The following SSX2IP variants were observed in gnomAD, a reference collection of about 807,000 sequenced individuals.
The protein encoded by SSX2IP is afadin- and alpha-actinin-binding protein.
SSX2IP carries 55 observed loss-of-function variants against 84.9 expected under a neutral mutation model. The observed-to-expected ratio is 0.65, with a 90% CI of 0.52 to 0.81. SSX2IP has a LOEUF of 0.81. Ranked by LOEUF, SSX2IP falls within the 30% of genes least tolerant of loss-of-function variation. The pLI, the probability that SSX2IP is intolerant of heterozygous loss-of-function variation, is 0.00. For missense variants in SSX2IP, 664 were observed against 705.2 expected (o/e 0.94, Z 0.66); for synonymous variants, 239 against 234.7 (o/e 1.02, Z -0.17).
Position 84,655,985 on chromosome 1 carries a change from A to G in SSX2IP, c.1236T>C (p.Tyr412=). 6.2e-7 allele frequency: 1 copy of G among 1,613,070 alleles called. No individual in the cohort carries two copies. Among genetic ancestry groups the G allele is most frequent in the Non-Finnish European group, 8.5e-7 (1 of 1,179,784 alleles). The change falls in exon 11 of 14, where the codon TAT becomes TAC. Residue 412 remains tyrosine, a synonymous_variant. Coordinates refer to ENST00000342203, the MANE Select transcript of SSX2IP (RefSeq NM_001166293.2). The stretch of plus-strand genomic sequence containing the variant: ...GTAATAGTGAAGTGGTATCATCATC[A>G]TATGCAGTAGCGAGCTGCTGCTATT... ...QLLQQQLATA[Y]DDDTTSLLRD...
At chr1:84,684,582 T>C (rs145135177) in intron 1 of SSX2IP, among the ~76,000 whole-genome samples, 236 of 152,270 alleles carry the variant, frequency 1.5e-3, no homozygotes, top group African/African-American at 5.4e-3. Flanking sequence ...CCTATTCACA[T>C]ACTCTACAGC....
In SSX2IP at chr1:84,658,340, A is replaced by G. The variant is rs141744528; in HGVS notation, c.1056T>C (p.His352=). The change falls in exon 9 of 14, where the codon CAT becomes CAC. Residue 352 remains histidine, a synonymous_variant. Transcript: ENST00000342203. ...IRKQWRILKS[H]VEKLDNQVSK... is the part of the protein sequence containing the mutation. ...TACCTTGGTTATCAAGCTTTTCTAC[A>G]TGACTTTTCAAAATTCTCCACTGTT... 17 of 1,614,042 alleles carry G rather than the reference A, an allele frequency of 1.1e-5. No individual in the cohort carries two copies. The African/African-American group carries it at 1.9e-4, about 18-fold the overall frequency.
At chr1:84,650,557 AGT>A in intron 12 of SSX2IP, 30 bp from the exon 13 acceptor site, 4 of 1,613,100 alleles carry the variant, frequency 2.5e-6, no homozygotes, top group Middle Eastern at 3.3e-4. Context: ...AGAAAAAGGC[AGT>A]ACATATGGTG....
chr1:84,686,876 C>T (rs1431314723), intron 1 of SSX2IP, among the ~76,000 whole-genome samples: 2 of 151,952 alleles, frequency 1.3e-5, no homozygotes, highest in Admixed American at 1.3e-4. Context: ...GAAAGATGAT[C>T]ACCAAATAAG....
intron 6 of SSX2IP, among the ~76,000 whole-genome samples, chr1:84,663,711 T>C (rs1367038803): frequency 6.6e-6 from 1 of 152,170 alleles, no homozygotes; most frequent in Non-Finnish European, 1.5e-5. Flanking sequence ...CGGTATAATG[T>C]ATGTTAGAGG....
chr1:84,689,959 C>G (rs1217359707), intron 1 of SSX2IP, among the ~76,000 whole-genome samples: 1 of 152,172 alleles, frequency 6.6e-6, no homozygotes, highest in Non-Finnish European at 1.5e-5. Flanking sequence ...CCGCATGCCC[C>G]ACGGCCGCTG....
chr1:84,683,276 C>A (rs2102592617), intron 1 of SSX2IP, among the ~76,000 whole-genome samples: 1 of 152,190 alleles, frequency 6.6e-6, no homozygotes, highest in Admixed American at 6.5e-5. Flanking sequence ...TTCCTCCCCT[C>A]AAGCTGCTTT....
chr1:84,650,160 T>A, intron 13 of SSX2IP: 1 of 623,200 alleles, frequency 1.6e-6, no homozygotes, highest in Admixed American at 2.7e-5. Context: ...CAGATCTACC[T>A]GTTCACTAGT....
intron 13 of SSX2IP, 141 bp from the exon 14 acceptor site, chr1:84,647,748 C>T: frequency 2.6e-6 from 1 of 383,328 alleles, no homozygotes; most frequent in Non-Finnish European, 3.9e-6. Flanking sequence ...TAAAATTTTA[C>T]TTGGAAAAAA....
At chr1:84,651,853 T>C (rs1650300834) in intron 12 of SSX2IP, 30 bp downstream of exon 12, 1 of 1,360,152 alleles carries the variant, frequency 7.4e-7, no homozygotes, top group Non-Finnish European at 1.0e-6. Flanking sequence ...TATATGCATG[T>C]TCAAATTAAA....
chr1:84,661,137 G>A (rs1257381685), intron 8 of SSX2IP, among the ~76,000 whole-genome samples: 2 of 150,492 alleles, frequency 1.3e-5, no homozygotes, highest in Non-Finnish European at 3.0e-5. Context: ...AAAGGTAAGT[G>A]CTGGGATGGG....
At position 84,644,503 on chromosome 1, in the gene SSX2IP, C is replaced by T. The variant is rs551786790; in HGVS notation, c.*2930G>A. On this transcript the variant is annotated 3_prime_UTR_variant, in exon 14 of 14. Transcript: ENST00000342203. ...AGGGAAAAGTATATTTACTAGACTTCCATAATCCATACTTACTTTAAATTC... is the reference window on the plus strand; with the variant it reads ...AGGGAAAAGTATATTTACTAGACTTTCATAATCCATACTTACTTTAAATTC... 1 of 152,316 alleles carries T rather than the reference C, an allele frequency of 6.6e-6. No individual in the cohort carries two copies. The highest frequency in any genetic ancestry group is 2.1e-4 in the South Asian group (1 of 4,824). 9.4% of individuals were successfully genotyped at this position (152,316 alleles called of 1,614,324 possible).
intron 13 of SSX2IP, chr1:84,649,942 C>A (rs759124983): frequency 5.5e-6 from 3 of 550,124 alleles, no homozygotes; most frequent in Non-Finnish European, 1.1e-5. Flanking sequence ...TTTCTCAGTT[C>A]TTTGCCCTTC....
Position 84,647,545 on chromosome 1 carries a change from C to T in SSX2IP, c.1733G>A (p.Cys578Tyr), listed in dbSNP as rs747269041. Residue 578 changes from cysteine to tyrosine, a missense_variant, in exon 14 of 14, where the codon TGT becomes TAT. Cys to Tyr is a radical substitution (Grantham distance 194). Transcript: ENST00000342203. The stretch of plus-strand genomic sequence containing the variant: ...TGCCACACTCCATTTTTGATTTGTA[C>T]ATTCTCCTCCAACCTGATTTGGTTT... ...EIKPNQVGGE[C>Y]TNQKWSVASR... is the part of the protein sequence containing the mutation. The T allele has an allele frequency of 5.6e-6, 9 of 1,613,434 alleles. No homozygotes were observed. Among genetic ancestry groups the T allele is most frequent in the Non-Finnish European group, 7.6e-6 (9 of 1,179,642 alleles).
rs958135112 is a variant in SSX2IP at position 84,645,500 on chromosome 1, G to A, written c.*1933C>T. ...TCAACTCACTTTAAAATGGAAACAC[G>A]CAACAAAAAACAGATGCTGCTTTCT... is the stretch of plus-strand genomic sequence containing the variant. On this transcript the variant is annotated 3_prime_UTR_variant, in exon 14 of 14. Coordinates refer to ENST00000342203, the MANE Select transcript of SSX2IP (RefSeq NM_001166293.2). 2 of 152,030 alleles carry A rather than the reference G, an allele frequency of 1.3e-5. No homozygotes were observed. Among genetic ancestry groups the A allele is most frequent in the Admixed American group, 6.6e-5 (1 of 15,254 alleles). 9.4% of individuals were successfully genotyped at this position (152,030 alleles called of 1,614,324 possible).
At chr1:84,687,662 A>C (rs908467517) in intron 1 of SSX2IP, among the ~76,000 whole-genome samples, 1 of 152,244 alleles carries the variant, frequency 6.6e-6, no homozygotes, top group Non-Finnish European at 1.5e-5. Flanking sequence ...TATTATTTGC[A>C]CTATACTCAA....
At chr1:84,651,274 A>T (rs1650209043) in intron 12 of SSX2IP, among the ~76,000 whole-genome samples, 1 of 151,916 alleles carries the variant, frequency 6.6e-6, no homozygotes, top group Admixed American at 6.6e-5. Flanking sequence ...GCCGAGATGC[A>T]CTCCAGCCTG....
At chr1:84,679,992 G>A (rs1450137654) in intron 1 of SSX2IP, among the ~76,000 whole-genome samples, 1 of 152,152 alleles carries the variant, frequency 6.6e-6, no homozygotes, top group Non-Finnish European at 1.5e-5. Context: ...GAGGGGCTCA[G>A]GAAGCAGCAT....
rs190108006 is a variant in SSX2IP, at chr1:84,647,154, G to A, written c.*279C>T. The A allele has an allele frequency of 2.0e-5, 5 of 250,446 alleles. No individual in the cohort carries two copies. The Admixed American group carries it at 2.7e-4, about 14-fold the overall frequency. The allele number at this position is 250,446 out of a possible 1,614,324, so 15.5% of individuals were successfully genotyped here. A position where few individuals can be genotyped will look rare whatever the true frequency, so the allele number is the denominator to read the frequency against. ...AGTGCTATTTTTAATACCTATAAGA[G>A]GAAACTCAGTCTAGTGCTTTTGTTT... On this transcript the variant is annotated 3_prime_UTR_variant, in exon 14 of 14. Coordinates refer to ENST00000342203, the MANE Select transcript of SSX2IP (RefSeq NM_001166293.2).
Sources: gnomAD v4.1 joint callset for allele counts (sites outside exome capture counted in the v4.1 genomes callset) on GRCh38, gnomAD v4.1.1 for gene constraint, MANE v1.5 for transcripts, NCBI Gene and HGNC (gene_info 2026-07-23, HGNC 2026-07-21) for gene names.